Variants in MTHFD2L observed in about 807,000 individuals in gnomAD.
MTHFD2L encodes the protein methylenetetrahydrofolate dehydrogenase (NADP+ dependent) 2 like, also known as bifunctional methylenetetrahydrofolate dehydrogenase/cyclohydrolase 2, mitochondrial.
MTHFD2L carries 29 observed loss-of-function variants against 34.9 expected under a neutral mutation model. The observed-to-expected ratio is 0.83, with a 90% CI of 0.62 to 1.13. MTHFD2L has a LOEUF of 1.13. Ranked by LOEUF, MTHFD2L falls within the 50% of genes most tolerant of loss-of-function variation. MTHFD2L has a pLI of 0.00. For missense variants in MTHFD2L, 481 were observed against 446.5 expected (o/e 1.08, Z -0.70); for synonymous variants, 167 against 155.7 (o/e 1.07, Z -0.54).
chr4:74,171,114 AACTT>A (rs1467074697), intron 1 of MTHFD2L, among the ~76,000 whole-genome samples: 2 of 152,102 alleles, frequency 1.3e-5, no homozygotes, highest in Non-Finnish European at 2.9e-5. Context: ...TGTACCCTAA[AACTT>A]AAAGTATAAT....
intron 3 of MTHFD2L, among the ~76,000 whole-genome samples, chr4:74,192,251 C>T (rs536618702): frequency 3.5e-4 from 53 of 152,064 alleles, no homozygotes; most frequent in Non-Finnish European, 5.9e-4. Flanking sequence ...TATCTGACCG[C>T]CTCCCAACAT....
At position 74,242,933 on chromosome 4, in the gene MTHFD2L, C is replaced by T. The variant is rs543229327; in HGVS notation, c.805+17539C>T. Reference sequence around the variant, plus strand: ...GTTCTAACTACAATTCTATAACTCTCTCCTAATGTATAACATTTCACATTC... The same window carrying T: ...GTTCTAACTACAATTCTATAACTCTTTCCTAATGTATAACATTTCACATTC... On this transcript the variant is annotated intron_variant, in intron 6 of 7. Transcript: ENST00000325278. 3.3e-5 allele frequency among the ~76,000 whole-genome samples: 5 copies of T among 152,336 alleles called. No individual in the cohort carries two copies. The South Asian group carries it at 6.2e-4, about 19-fold the overall frequency.
chr4:74,222,733 A>G (rs1406558589), intron 5 of MTHFD2L, among the ~76,000 whole-genome samples: 1 of 152,116 alleles, frequency 6.6e-6, no homozygotes, highest in Non-Finnish European at 1.5e-5. Flanking sequence ...CATGTTCCTT[A>G]GGAAAGACTT....
At chr4:74,241,588 A>G (rs1741719917) in intron 6 of MTHFD2L, 2 of 448,658 alleles carry the variant, frequency 4.5e-6, no homozygotes, top group African/African-American at 2.0e-5. Context: ...CATTTTGCCC[A>G]GGACCTCTCC....
intron 3 of MTHFD2L, among the ~76,000 whole-genome samples, chr4:74,179,263 T>C (rs1372363777): frequency 6.6e-6 from 1 of 152,048 alleles, no homozygotes; most frequent in Non-Finnish European, 1.5e-5. Context: ...GCACATATAT[T>C]TCAAACATTC....
intron 6 of MTHFD2L, among the ~76,000 whole-genome samples, chr4:74,247,783 T>A (rs1742698258): frequency 6.6e-6 from 1 of 152,256 alleles, no homozygotes; most frequent in Non-Finnish European, 1.5e-5. Context: ...GGATTACATT[T>A]AATGATTTGC....
chr4:74,132,510 T>C (rs575443513), intron 1 of MTHFD2L, among the ~76,000 whole-genome samples: 18 of 152,244 alleles, frequency 1.2e-4, no homozygotes, highest in African/African-American at 4.3e-4. Flanking sequence ...ACACCACATG[T>C]TCTCACTCAT....
chr4:74,160,278 C>G, intron 1 of MTHFD2L: 1 of 353,720 alleles, frequency 2.8e-6, no homozygotes, highest in Non-Finnish European at 5.4e-6. Flanking sequence ...AACTCTTATC[C>G]CAGTGATATT....
intron 1 of MTHFD2L, among the ~76,000 whole-genome samples, chr4:74,132,528 A>G (rs1415200079): frequency 3.3e-5 from 5 of 152,126 alleles, no homozygotes; most frequent in Non-Finnish European, 7.4e-5. Flanking sequence ...CATAAGTGGG[A>G]GTTGAACAAT....
intron 3 of MTHFD2L, among the ~76,000 whole-genome samples, chr4:74,198,143 C>T (rs997972576): frequency 1.3e-5 from 2 of 152,124 alleles, no homozygotes; most frequent in Non-Finnish European, 1.5e-5. Context: ...TTGAAGTTGG[C>T]ATATGCAAGA....
intron 7 of MTHFD2L, among the ~76,000 whole-genome samples, chr4:74,298,125 C>CA (rs2110330432): frequency 6.6e-6 from 1 of 152,108 alleles, no homozygotes; most frequent in East Asian, 1.9e-4. Flanking sequence ...CTCTCATGAC[C>CA]ATATACAGGG....
intron 6 of MTHFD2L, among the ~76,000 whole-genome samples, chr4:74,258,931 A>G: frequency 6.6e-6 from 1 of 152,346 alleles, no homozygotes; most frequent in African/African-American, 2.4e-5. Flanking sequence ...ATAACTTGTG[A>G]AAAATATTTT....
At chr4:74,246,678 G>C (rs1006062193) in intron 6 of MTHFD2L, among the ~76,000 whole-genome samples, 1 of 152,130 alleles carries the variant, frequency 6.6e-6, no homozygotes, top group Non-Finnish European at 1.5e-5. Context: ...AAGGGATCCA[G>C]TTTCAGCTTT....
intron 1 of MTHFD2L, among the ~76,000 whole-genome samples, chr4:74,146,295 G>A (rs1430317000): frequency 6.6e-6 from 1 of 152,084 alleles, no homozygotes; most frequent in African/African-American, 2.4e-5. Context: ...GGTGTGTTCA[G>A]GGTGGTCTAT....
At chr4:74,272,054 C>T (rs867826607) in intron 6 of MTHFD2L, among the ~76,000 whole-genome samples, 2 of 152,160 alleles carry the variant, frequency 1.3e-5, no homozygotes, top group African/African-American at 2.4e-5. Flanking sequence ...ATTCTGGCAT[C>T]GCTTTGATAT....
In MTHFD2L at chr4:74,187,800, T is replaced by TACACACACACACACACACACAC. The variant is rs61173269; in HGVS notation, c.452-11980_452-11959dup. On this transcript the variant is annotated intron_variant, in intron 3 of 7. Coordinates refer to ENST00000325278, the MANE Select transcript of MTHFD2L (RefSeq NM_001144978.3). ...TCCAGCCATTCTGTGCCTGTGTATT[T>TACACACACACACACACACACAC]ACACACACACACACACACACACACA... Among the ~76,000 whole-genome samples the TACACACACACACACACACACAC allele has an allele frequency of 3.2e-3, 456 of 144,342 alleles. 3 individuals are homozygous for TACACACACACACACACACACAC. The highest frequency in any genetic ancestry group is 0.017 in the East Asian group (83 of 4,912). 94.7% of individuals were successfully genotyped at this position (144,342 alleles called of 152,430 possible).
At chr4:74,171,295 A>G (rs1256295608) in intron 1 of MTHFD2L, among the ~76,000 whole-genome samples, 2 of 152,208 alleles carry the variant, frequency 1.3e-5, no homozygotes, top group African/African-American at 4.8e-5. Context: ...GCACAGTGAC[A>G]TACCACCATA....
At chr4:74,157,993 C>T, upstream of MTHFD2L, 3 of 1,258,448 alleles carry the variant, frequency 2.4e-6, no homozygotes, top group Admixed American at 2.0e-5. Context: ...CGCTCTTTAC[C>T]CCACTCTGCG....
chr4:74,180,716 A>G lies in MTHFD2L; in HGVS notation c.451+5313A>G, dbSNP rs199730932. On this transcript the variant is annotated intron_variant, in intron 3 of 7. Transcript: ENST00000325278. ...TGTGCAACTTTGTTCAGGATTTGAA[A>G]TGCTCGGGATATAAGAGTACACAGG... 1.2e-3 allele frequency: 545 copies of G among 454,496 alleles called. 1 individual carries two copies. Among genetic ancestry groups the G allele is most frequent in the Non-Finnish European group, 2.1e-3 (477 of 225,442 alleles). The allele number at this position is 454,496 out of a possible 1,614,324, so 28.2% of individuals were successfully genotyped here. A position where few individuals can be genotyped will look rare whatever the true frequency, so the allele number is the denominator to read the frequency against.
Sources: allele counts gnomAD v4.1 joint callset (sites outside exome capture counted in the v4.1 genomes callset), GRCh38; gene constraint gnomAD v4.1.1; transcripts MANE v1.5; gene names NCBI Gene and HGNC (gene_info 2026-07-23, HGNC 2026-07-21).